CEP350: variants seen among roughly 807,000 people sequenced by gnomAD.
CEP350 encodes centrosome-associated protein 350.
CEP350 carries 126 observed loss-of-function variants against 331.8 expected under a neutral mutation model. The ratio of observed to expected loss-of-function variants is 0.38; its 90% CI spans 0.33 to 0.44. The LOEUF is 0.44. Among genes scored for constraint, CEP350 ranks in the 20% least tolerant of loss-of-function variants. The probability of loss-of-function intolerance (pLI) is 1.00; values close to 1 mark genes in which losing one functional copy is unlikely to be tolerated. For synonymous variants in CEP350, 1,200 were observed against 1,259.5 expected, an observed-to-expected ratio of 0.95 and a Z score of 1.00; for missense variants, 3,406 against 3,634.6, an observed-to-expected ratio of 0.94 and a Z score of 1.62.
At chr1:180,053,373 G>A (rs564184928) in intron 23 of CEP350, among the ~76,000 whole-genome samples, 1 of 152,212 alleles carries the variant, frequency 6.6e-6, no homozygotes, top group Non-Finnish European at 1.5e-5. Flanking sequence ...GATATATAAG[G>A]CCTTTGAGGA....
intron 5 of CEP350, among the ~76,000 whole-genome samples, chr1:179,994,281 T>C (rs1265758500): frequency 2.6e-5 from 4 of 152,054 alleles, no homozygotes; most frequent in Non-Finnish European, 5.9e-5. Context: ...ACATTTTATG[T>C]TTTATTTTAT....
At chr1:180,043,891 ACTTC>A (rs1438395125) in intron 20 of CEP350, among the ~76,000 whole-genome samples, 156 bp from the exon 21 acceptor site, 2 of 151,920 alleles carry the variant, frequency 1.3e-5, no homozygotes. Flanking sequence ...ATTTGTGTTT[ACTTC>A]CTTAGTAAAA....
chr1:180,101,977 G>A (rs1660843742), intron 37 of CEP350, among the ~76,000 whole-genome samples: 1 of 152,094 alleles, frequency 6.6e-6, no homozygotes, highest in South Asian at 2.1e-4. Context: ...CTTTCCTCTT[G>A]GGTTTTTCTG....
chr1:179,977,913 G>A (rs1237116584), intron 1 of CEP350, among the ~76,000 whole-genome samples: 1 of 150,334 alleles, frequency 6.7e-6, no homozygotes, highest in South Asian at 2.1e-4. Flanking sequence ...AAATTTTTAT[G>A]TTTTTACTTT....
In CEP350 at chr1:180,065,103, T is replaced by C. The variant is rs1558136560; in HGVS notation, c.5410-12T>C. 26 of 1,578,778 alleles carry C rather than the reference T, an allele frequency of 1.6e-5. No homozygotes were observed. Among genetic ancestry groups the C allele is most frequent in the Non-Finnish European group, 2.1e-5 (25 of 1,168,192 alleles). ...TAAAGTCCAATACAATTTTGCCTCTTTTTGTTTGCAGGACTCTCATAGTGA... is the reference window on the plus strand; with the variant it reads ...TAAAGTCCAATACAATTTTGCCTCTCTTTGTTTGCAGGACTCTCATAGTGA... On this transcript the variant is annotated splice_polypyrimidine_tract_variant and intron_variant, in intron 26 of 37. Transcript: ENST00000367607.
intron 25 of CEP350, among the ~76,000 whole-genome samples, chr1:180,057,299 C>A (rs1657915182): frequency 6.6e-6 from 1 of 151,956 alleles, no homozygotes; most frequent in South Asian, 2.1e-4. Flanking sequence ...CGGGGTTTCA[C>A]CATGTTGGCC....
chr1:180,072,560 T>C lies in CEP350; in HGVS notation c.5568-2462T>C, dbSNP rs578121283. Among the ~76,000 whole-genome samples the C allele has an allele frequency of 2.6e-5, 4 of 152,326 alleles. No individual in the cohort carries two copies. The East Asian group carries it at 7.7e-4, about 29-fold the overall frequency. On this transcript the variant is annotated intron_variant, in intron 27 of 37. Coordinates refer to ENST00000367607, the MANE Select transcript of CEP350 (RefSeq NM_014810.5). ...TAAAGAATGGCAAGGAAGATTGTAA[T>C]GTCTTAACTTGAAATTTAGCAAAAC...
chr1:180,078,655 C>T lies in CEP350; in HGVS notation c.5960C>T (p.Ser1987Phe). 1 of 1,606,844 alleles carries T rather than the reference C, an allele frequency of 6.2e-7. No individual in the cohort carries two copies. The highest frequency in any genetic ancestry group is 8.5e-7 in the Non-Finnish European group (1 of 1,176,268). Residue 1987 changes from serine (S) to phenylalanine (F), a missense_variant, in exon 29 of 38, where the codon TCT becomes TTT. Around this residue, in one of 5 missense-constraint regions of CEP350, gnomAD observed 1,415 missense variants for 1,512.3 expected, o/e 0.94. Transcript: ENST00000367607. ...EMICSQELES[S>F]TSPSKHSLPK... Reference sequence around the variant, plus strand: ...ATTTGTTCACAGGAACTAGAATCTTCTACCTCTCCTAGTAAACATGTAAGT... The same window carrying T: ...ATTTGTTCACAGGAACTAGAATCTTTTACCTCTCCTAGTAAACATGTAAGT...
At position 179,996,669 on chromosome 1, in the gene CEP350, GAGA is replaced by G; in HGVS notation, c.517_519del (p.Glu173del). On this transcript the variant is annotated inframe_deletion, in exon 6 of 38. Transcript: ENST00000367607. ...AGCGGTAACTGGATGATAGGCAGTC[GAGA>G]AGAACGGAATATACGGAGCTGTGAT... The G allele has an allele frequency of 1.9e-6, 3 of 1,613,462 alleles. No individual in the cohort carries two copies. Among genetic ancestry groups the G allele is most frequent in the Non-Finnish European group, 2.5e-6 (3 of 1,179,668 alleles).
intron 1 of CEP350, among the ~76,000 whole-genome samples, chr1:179,973,550 A>G (rs1271440309): frequency 6.6e-6 from 1 of 152,180 alleles, no homozygotes; most frequent in Non-Finnish European, 1.5e-5. Flanking sequence ...ACTTGGTGAT[A>G]GAGCAGTAGT....
chr1:180,044,642 A>G lies in CEP350; in HGVS notation c.4622+469A>G, dbSNP rs530715801. On this transcript the variant is annotated intron_variant, in intron 21 of 37. Transcript: ENST00000367607. ...AATTGAACAATGAGAACACATGGAC[A>G]CAGGAAGGGAAACATCACACTCCGG... is the stretch of plus-strand genomic sequence containing the variant. Among the ~76,000 whole-genome samples, 7 of 132,952 alleles carry G rather than the reference A, an allele frequency of 5.3e-5. No homozygotes were observed. The East Asian group carries it at 1.7e-3, about 32-fold the overall frequency. The allele number at this position is 132,952 out of a possible 152,430, so 87.2% of individuals were successfully genotyped here.
chr1:180,048,701 A>G lies in CEP350; in HGVS notation c.4788A>G (p.Glu1596=), dbSNP rs756901629. The G allele has an allele frequency of 3.7e-6, 6 of 1,607,408 alleles. No homozygotes were observed. The highest frequency in any genetic ancestry group is 3.4e-5 in the Admixed American group (2 of 58,746). The change falls in exon 22 of 38, where the codon GAA becomes GAG. Residue 1596 remains glutamate (E), a synonymous_variant. Transcript: ENST00000367607. The part of the protein sequence containing the change: ...RSDSVPSLPD[E]KDSTSIATEY... ...ATAGTGTTCCATCTCTTCCTGATGAAAAAGGTAACTTTCTTTGCAAATAAA... is the reference window on the plus strand; with the variant it reads ...ATAGTGTTCCATCTCTTCCTGATGAGAAAGGTAACTTTCTTTGCAAATAAA...
In CEP350 at chr1:180,031,393, A is replaced by G. The variant is rs1350458849; in HGVS notation, c.3624A>G (p.Gln1208=). The change falls in exon 15 of 38, where the codon CAA becomes CAG. Residue 1208 remains glutamine (Q), a synonymous_variant. Transcript: ENST00000367607. ...DEEKAERGSH[Q]GKKSGTSSKL... is the part of the protein sequence containing the mutation. ...AAAAAGCAGAACGTGGCTCCCATCA[A>G]GGAAAGAAATCTGGGACCAGCAGCA... The G allele has an allele frequency of 1.2e-6, 2 of 1,608,204 alleles. No homozygotes were observed. Among genetic ancestry groups the G allele is most frequent in the South Asian group, 2.2e-5 (2 of 90,660 alleles).
intron 25 of CEP350, among the ~76,000 whole-genome samples, chr1:180,056,543 C>G (rs1657859684): frequency 7.2e-6 from 1 of 139,434 alleles, no homozygotes; most frequent in Non-Finnish European, 1.5e-5. Context: ...GATCTCAGCT[C>G]ACTGCAACCT....
At chr1:180,023,261 A>T (rs2148845506) in intron 13 of CEP350, among the ~76,000 whole-genome samples, 1 of 151,614 alleles carries the variant, frequency 6.6e-6, no homozygotes, top group East Asian at 1.9e-4. Context: ...GACAAAGCTG[A>T]CCCTATCTCA....
intron 12 of CEP350, 93 bp downstream of exon 12, chr1:180,021,102 T>A: frequency 8.7e-7 from 1 of 1,147,800 alleles, no homozygotes; most frequent in Non-Finnish European, 1.2e-6. Context: ...TACACATTTT[T>A]CGTTGAGTGG....
At chr1:180,027,675 G>A (rs1655771056) in intron 14 of CEP350, among the ~76,000 whole-genome samples, 1 of 152,140 alleles carries the variant, frequency 6.6e-6, no homozygotes, top group Non-Finnish European at 1.5e-5. Flanking sequence ...GTGAGCCACT[G>A]CACCTGGCTT....
intron 1 of CEP350, among the ~76,000 whole-genome samples, chr1:179,974,294 A>G (rs1025804341): frequency 2.0e-5 from 3 of 151,960 alleles, no homozygotes; most frequent in Admixed American, 6.6e-5. Context: ...GTTAGCCAGG[A>G]TGGTCTCGAT....
chr1:180,008,445 T>TATTA (rs1204510895), intron 8 of CEP350, among the ~76,000 whole-genome samples: 1 of 104,354 alleles, frequency 9.6e-6, no homozygotes, highest in East Asian at 3.6e-4. Flanking sequence ...AAGACTCAAC[T>TATTA]GTTAGCTATG....
Sources: gnomAD v4.1 joint callset for allele counts (sites outside exome capture counted in the v4.1 genomes callset) on GRCh38, gnomAD v4.1.1 for gene constraint, gnomAD v4.1.1 regional missense constraint, MANE v1.5 for transcripts, NCBI Gene and HGNC (gene_info 2026-07-23, HGNC 2026-07-21) for gene names.